Variants in GREB1 observed in about 807,000 individuals in gnomAD.
GREB1 encodes the protein protein GREB1.
A neutral mutation model predicts 200.7 loss-of-function variants in GREB1; 106 were observed. That is an observed-to-expected ratio of 0.53 (90% confidence interval 0.45 to 0.62). GREB1 has a LOEUF of 0.62. Among genes scored for constraint, GREB1 ranks in the 20% least tolerant of loss-of-function variants. GREB1 has a pLI of 0.00. For missense variants in GREB1, 2,243 were observed against 2,556.8 expected (o/e 0.88, Z 2.65); for synonymous variants, 1,132 against 1,092.4 (o/e 1.04, Z -0.72).
intron 4 of GREB1, among the ~76,000 whole-genome samples, chr2:11,571,031 G>A (rs1242085469): frequency 6.6e-6 from 1 of 150,904 alleles, no homozygotes; most frequent in East Asian, 1.9e-4. Context: ...CCAAGGCAGG[G>A]GCTCTGGATA....
chr2:11,607,629 T>C (rs201382256), intron 17 of GREB1, among the ~76,000 whole-genome samples: 16 of 40,472 alleles, frequency 4.0e-4, no homozygotes, highest in Admixed American at 5.8e-4. Context: ...TGCATATATA[T>C]ACATATATAT....
chr2:11,621,753 G>T (rs1024811246), intron 23 of GREB1, among the ~76,000 whole-genome samples: 1 of 152,152 alleles, frequency 6.6e-6, no homozygotes, highest in Admixed American at 6.5e-5. Context: ...AGATGCTGTC[G>T]ATTGTGCTTC....
chr2:11,632,576 G>A (rs1372103939), intron 27 of GREB1, among the ~76,000 whole-genome samples: 1 of 152,188 alleles, frequency 6.6e-6, no homozygotes, highest in African/African-American at 2.4e-5. Flanking sequence ...GACCTCAGGT[G>A]ACTGGCCTGC....
chr2:11,485,237 A>ATTTATTTTAT (rs1175054636), intron 1 of GREB1, among the ~76,000 whole-genome samples: 5 of 148,754 alleles, frequency 3.4e-5, no homozygotes, highest in African/African-American at 1.2e-4. Flanking sequence ...TAGAAGCAAC[A>ATTTATTTTAT]TTTATTTTAT....
chr2:11,496,559 G>A (rs1672896109), intron 1 of GREB1, among the ~76,000 whole-genome samples: 2 of 150,638 alleles, frequency 1.3e-5, no homozygotes, highest in African/African-American at 4.9e-5. Context: ...GGGAGGTCTG[G>A]ATGAAAGGAC....
chr2:11,509,500 C>A (rs190204042), intron 1 of GREB1, among the ~76,000 whole-genome samples: 1 of 151,714 alleles, frequency 6.6e-6, no homozygotes, highest in Non-Finnish European at 1.5e-5. Flanking sequence ...ACCACAATAC[C>A]GTTATCACAC....
chr2:11,547,194 C>T lies in GREB1; in HGVS notation c.-161-9260C>T, dbSNP rs540027316. The stretch of plus-strand genomic sequence containing the variant: ...CTGACCTCAAGTGATCCGCCTGCCT[C>T]GGCCTCCCAAAGTGCTGGGATTACA... On this transcript the variant is annotated intron_variant, in intron 1 of 32. Transcript: ENST00000381486. 5.3e-5 allele frequency among the ~76,000 whole-genome samples: 8 copies of T among 152,294 alleles called. No homozygotes were observed. The South Asian group carries it at 1.2e-3, about 24-fold the overall frequency.
chr2:11,489,508 A>T (rs1435306548), intron 1 of GREB1, among the ~76,000 whole-genome samples: 2 of 152,186 alleles, frequency 1.3e-5, no homozygotes, highest in African/African-American at 4.8e-5. Flanking sequence ...CTTGCCCCCA[A>T]ATGTAGGAGA....
intron 1 of GREB1, among the ~76,000 whole-genome samples, chr2:11,490,385 A>G (rs1241212427): frequency 6.6e-6 from 1 of 152,174 alleles, no homozygotes; most frequent in African/African-American, 2.4e-5. Flanking sequence ...CATGTATCAG[A>G]ACTTCGTTTC....
At chr2:11,562,046 A>G (rs1677103695) in intron 2 of GREB1, among the ~76,000 whole-genome samples, 1 of 152,190 alleles carries the variant, frequency 6.6e-6, no homozygotes, top group Admixed American at 6.5e-5. Flanking sequence ...TTGGAACGCT[A>G]CCATGTCCAG....
intron 1 of GREB1, among the ~76,000 whole-genome samples, chr2:11,510,536 G>A (rs1673320045): frequency 6.6e-6 from 1 of 152,092 alleles, no homozygotes; most frequent in Non-Finnish European, 1.5e-5. Context: ...TTGGTTACTT[G>A]AAAATACAGC....
intron 11 of GREB1, among the ~76,000 whole-genome samples, chr2:11,594,967 G>A (rs886999491): frequency 6.6e-6 from 1 of 151,186 alleles, no homozygotes; most frequent in Non-Finnish European, 1.5e-5. Context: ...GTGCTGGGAT[G>A]GCAGGTGTGA....
intron 4 of GREB1, among the ~76,000 whole-genome samples, chr2:11,571,362 C>T (rs1678269020): frequency 6.6e-6 from 1 of 152,184 alleles, no homozygotes; most frequent in Admixed American, 6.5e-5. Flanking sequence ...CTGGAATTGC[C>T]TTCCTAAATT....
intron 5 of GREB1, 27 bp from the exon 6 acceptor site, chr2:11,578,270 T>A: frequency 6.3e-7 from 1 of 1,599,490 alleles, no homozygotes; most frequent in Non-Finnish European, 8.6e-7. Context: ...GCGAGTTGGT[T>A]TTCACGTGTG....
At chr2:11,588,081 C>A in intron 9 of GREB1, 1 of 503,154 alleles carries the variant, frequency 2.0e-6, no homozygotes, top group Non-Finnish European at 2.6e-6. Flanking sequence ...CAAAAATTGG[C>A]CGGGTGTGGT....
intron 4 of GREB1, among the ~76,000 whole-genome samples, chr2:11,573,078 GCCTCACATCA>G (rs544354274): frequency 1.8e-4 from 28 of 152,242 alleles, no homozygotes; most frequent in African/African-American, 6.5e-4. Context: ...TTAGTTACCT[GCCTCACATCA>G]CCTAACTGTA....
chr2:11,633,597 G>A lies in GREB1; in HGVS notation c.4991+534G>A, dbSNP rs1459777204. Among the ~76,000 whole-genome samples, 2 of 151,180 alleles carry A rather than the reference G, an allele frequency of 1.3e-5. No homozygotes were observed. The highest frequency in any genetic ancestry group is 2.9e-5 in the Non-Finnish European group (2 of 67,842). On this transcript the variant is annotated intron_variant, in intron 28 of 32. Transcript: ENST00000381486. The surrounding 1 kb of genome is among the most constrained non-coding windows in gnomAD (Gnocchi z 4.1). ...AAAAAGAAAGAAAAAAATTGTTATTGAAGTATAATGCAGAAAATCACACTA... is the reference window on the plus strand; with the variant it reads ...AAAAAGAAAGAAAAAAATTGTTATTAAAGTATAATGCAGAAAATCACACTA...
At chr2:11,588,624 C>T (rs1211111256) in intron 9 of GREB1, 122 bp from the exon 10 acceptor site, 2 of 903,774 alleles carry the variant, frequency 2.2e-6, no homozygotes, top group Non-Finnish European at 3.7e-6. Flanking sequence ...GGACAGGGCA[C>T]TCGAGGGACC....
chr2:11,622,078 G>C (rs1395598648), intron 23 of GREB1, among the ~76,000 whole-genome samples: 1 of 151,220 alleles, frequency 6.6e-6, no homozygotes. Context: ...GACACACACA[G>C]AGCACCAAGA....
Sources: allele counts gnomAD v4.1 joint callset (sites outside exome capture counted in the v4.1 genomes callset), GRCh38; gene constraint gnomAD v4.1.1; non-coding constraint Gnocchi (gnomAD v3.1); transcripts MANE v1.5; gene names NCBI Gene and HGNC (gene_info 2026-07-23, HGNC 2026-07-21).